BRINP2: variants seen among roughly 807,000 people sequenced by gnomAD.
BRINP2 encodes the protein BMP/retinoic acid inducible neural specific 2.
BRINP2 carries 21 observed loss-of-function variants against 69.2 expected under a neutral mutation model. That is an observed-to-expected ratio of 0.30 (90% CI 0.22 to 0.44). The LOEUF (loss-of-function observed/expected upper bound fraction) is 0.44. Ranked by LOEUF, BRINP2 falls within the 20% of genes least tolerant of loss-of-function variation. BRINP2 has a pLI of 1.00. For synonymous variants in BRINP2, 380 were observed against 394.1 expected (o/e 0.96, Z 0.42); for missense variants, 877 against 986.0 (o/e 0.89, Z 1.48).
chr1:177,186,987 A>C (rs1648446495), intron 1 of BRINP2, among the ~76,000 whole-genome samples: 1 of 152,194 alleles, frequency 6.6e-6, no homozygotes, highest in Non-Finnish European at 1.5e-5. Flanking sequence ...GTCCAAACCT[A>C]AGTCAGATCT....
chr1:177,222,183 AC>A (rs1209665140), intron 1 of BRINP2, among the ~76,000 whole-genome samples: 1 of 152,178 alleles, frequency 6.6e-6, no homozygotes, highest in Admixed American at 6.5e-5. Flanking sequence ...AAACAAACAA[AC>A]AAAAACTAAG....
chr1:177,266,777 A>G (rs988033553), intron 4 of BRINP2, among the ~76,000 whole-genome samples: 328 of 151,352 alleles, frequency 2.2e-3, no homozygotes, highest in East Asian at 9.0e-3. Context: ...AAAAAAAAAA[A>G]AAAGAAAGAA....
intron 1 of BRINP2, among the ~76,000 whole-genome samples, chr1:177,197,180 G>A (rs1648770944): frequency 6.6e-6 from 1 of 152,152 alleles, no homozygotes; most frequent in African/African-American, 2.4e-5. Flanking sequence ...TTCTGCTTCT[G>A]GGGAGGCCTT....
intron 4 of BRINP2, among the ~76,000 whole-genome samples, chr1:177,268,191 T>G (rs1651188077): frequency 6.6e-6 from 1 of 152,222 alleles, no homozygotes; most frequent in African/African-American, 2.4e-5. Context: ...CATTTTGTCC[T>G]GGCAGTAAAG....
intron 2 of BRINP2, among the ~76,000 whole-genome samples, chr1:177,246,667 A>G (rs6703964): frequency 0.34 from 51,641 of 152,220 alleles, 9,679 homozygotes; most frequent in South Asian, 0.54. Context: ...CAATGTCCCT[A>G]CCATGATAGC....
At chr1:177,211,576 C>T (rs1649223071) in intron 1 of BRINP2, among the ~76,000 whole-genome samples, 1 of 152,128 alleles carries the variant, frequency 6.6e-6, no homozygotes, top group South Asian at 2.1e-4. Context: ...TTAGATTTGT[C>T]TGTGATTTCC....
rs757355019 is a variant in BRINP2 at position 177,256,992 on chromosome 1, C to T, written c.461-184C>T. 1.3e-4 allele frequency: 190 copies of T among 1,503,372 alleles called. No individual in the cohort carries two copies. The East Asian group carries it at 4.5e-3, about 36-fold the overall frequency. 93.1% of individuals were successfully genotyped at this position (1,503,372 alleles called of 1,614,324 possible). ...AAGAGGGCCTTTCAGGCAGCGAGGC[C>T]GCTGGCCTGTGGCTCCCTCTGATGA... On this transcript the variant is annotated intron_variant, in intron 3 of 7. Coordinates refer to ENST00000361539, the MANE Select transcript of BRINP2 (RefSeq NM_021165.4).
At chr1:177,241,766 T>C (rs1571924599) in intron 2 of BRINP2, among the ~76,000 whole-genome samples, 1 of 152,308 alleles carries the variant, frequency 6.6e-6, no homozygotes, top group Non-Finnish European at 1.5e-5. Flanking sequence ...CCAGACTTCT[T>C]TGACTTCTTG....
At chr1:177,277,265 G>T (rs1047111475) in intron 6 of BRINP2, among the ~76,000 whole-genome samples, 10 of 151,602 alleles carry the variant, frequency 6.6e-5, no homozygotes, top group Admixed American at 4.6e-4. Flanking sequence ...CCAATACATG[G>T]TATTTTTATG....
chr1:177,278,760 C>G lies in BRINP2; in HGVS notation c.1210C>G (p.Pro404Ala). ...CCTCTGCAAGCGCTGCCATCGCCAG[C>G]CTCGCTTCCGCCTGCCCAAGGAGAG... is the stretch of plus-strand genomic sequence containing the variant. ...FNLCKRCHRQPRFRLPKERSL... is the reference protein window; with the variant it reads ...FNLCKRCHRQARFRLPKERSL... Residue 404 changes from proline to alanine, a missense_variant, in exon 7 of 8, where the codon CCT becomes GCT. This residue lies in a region of BRINP2 where 566 missense variants were observed against 625.2 expected (regional missense o/e 0.91). Transcript: ENST00000361539. The G allele has an allele frequency of 8.7e-6, 14 of 1,614,116 alleles. No individual in the cohort carries two copies. The highest frequency in any genetic ancestry group is 1.2e-5 in the Non-Finnish European group (14 of 1,180,046).
chr1:177,227,824 A>G (rs146025659), intron 1 of BRINP2, among the ~76,000 whole-genome samples: 8 of 152,218 alleles, frequency 5.3e-5, no homozygotes, highest in Non-Finnish European at 8.8e-5. Context: ...TTTCTGAGCT[A>G]TCTATTCTAT....
At chr1:177,273,666 G>T (rs61814778) in intron 5 of BRINP2, 73 bp downstream of exon 5, 99 of 952,482 alleles carry the variant, frequency 1.0e-4, no homozygotes, top group Non-Finnish European at 1.4e-4. Context: ...ATCAAATAGC[G>T]GGAAAAAATT....
chr1:177,181,497 G>T (rs1198896143), intron 1 of BRINP2, among the ~76,000 whole-genome samples: 1 of 152,212 alleles, frequency 6.6e-6, no homozygotes, highest in Non-Finnish European at 1.5e-5. Context: ...GGAGACTCCT[G>T]CTAGGCTGTA....
At chr1:177,182,237 C>T (rs930411510) in intron 1 of BRINP2, among the ~76,000 whole-genome samples, 1 of 151,658 alleles carries the variant, frequency 6.6e-6, no homozygotes, top group Non-Finnish European at 1.5e-5. Context: ...CTCCCCACCA[C>T]CTCCATCAAG....
intron 2 of BRINP2, among the ~76,000 whole-genome samples, chr1:177,253,701 CTGA>C (rs1342157286): frequency 1.3e-5 from 2 of 152,036 alleles, no homozygotes; most frequent in African/African-American, 4.8e-5. Context: ...TCATTTTGAG[CTGA>C]TTTTTGTACA....
At chr1:177,242,817 A>G (rs1286555406) in intron 2 of BRINP2, among the ~76,000 whole-genome samples, 2 of 152,180 alleles carry the variant, frequency 1.3e-5, no homozygotes, top group Admixed American at 1.3e-4. Flanking sequence ...TAGGAGTAGG[A>G]TGTTCTGGGA....
At chr1:177,179,844 C>G (rs933692260) in intron 1 of BRINP2, among the ~76,000 whole-genome samples, 1 of 152,070 alleles carries the variant, frequency 6.6e-6, no homozygotes, top group African/African-American at 2.4e-5. Context: ...GGGGTTGATT[C>G]TGAGATGCTG....
chr1:177,193,832 A>G (rs1203716716), intron 1 of BRINP2, among the ~76,000 whole-genome samples: 1 of 152,098 alleles, frequency 6.6e-6, no homozygotes, highest in African/African-American at 2.4e-5. Context: ...TAAAAAGGCT[A>G]TTGGTGTTAG....
In BRINP2 at chr1:177,273,796, C is replaced by A. The variant is rs1161905704; in HGVS notation, c.775+203C>A. 2.0e-5 allele frequency among the ~76,000 whole-genome samples: 3 copies of A among 152,242 alleles called. No individual in the cohort carries two copies. In the East Asian group the frequency reaches 5.8e-4, roughly 29 times the overall value. Reference sequence around the variant, plus strand: ...CCTTCTGGTATGGTTTGTCCTATACCCCAGACCCATTGCTTATATCACATG... The same window carrying A: ...CCTTCTGGTATGGTTTGTCCTATACACCAGACCCATTGCTTATATCACATG... On this transcript the variant is annotated intron_variant, in intron 5 of 7. Transcript: ENST00000361539.
Sources: allele counts gnomAD v4.1 joint callset (sites outside exome capture counted in the v4.1 genomes callset), GRCh38; gene constraint gnomAD v4.1.1; regional missense constraint gnomAD v4.1.1; transcripts MANE v1.5; gene names NCBI Gene and HGNC (gene_info 2026-07-23, HGNC 2026-07-21).